UCHL5: variants seen among roughly 807,000 people sequenced by gnomAD.
The protein encoded by UCHL5 is ubiquitin C-terminal hydrolase L5.
UCHL5 carries 34 observed loss-of-function variants against 53.8 expected under a neutral mutation model. That is an observed-to-expected ratio of 0.63 (90% CI 0.48 to 0.84). The LOEUF (loss-of-function observed/expected upper bound fraction) is 0.84, where lower values mean the gene tolerates loss of function less well. Ranked by LOEUF, UCHL5 falls within the 40% of genes least tolerant of loss-of-function variation. The pLI is 0.00. For synonymous variants in UCHL5, 111 were observed against 126.3 expected (o/e 0.88, Z 0.81); for missense variants, 290 against 385.6 (o/e 0.75, Z 2.08).
chr1:193,049,186 G>T (rs1397555908), intron 3 of UCHL5, among the ~76,000 whole-genome samples: 1 of 152,200 alleles, frequency 6.6e-6, no homozygotes. Flanking sequence ...GCCAAGGCGG[G>T]TGTATCACCT....
At position 193,016,383 on chromosome 1, in the gene UCHL5, G is replaced by C; in HGVS notation, c.955C>G (p.Gln319Glu). The change falls in exon 11 of 11, where the codon CAG becomes GAG. Residue 319 changes from glutamine (Q) to glutamate (E), a missense_variant. By Grantham distance (29) the Gln-to-Glu change is conservative (BLOSUM62 2). Coordinates refer to ENST00000367454, the MANE Select transcript of UCHL5 (RefSeq NM_001199261.3). Reference protein sequence around the residue: ...IPLVEKAKEKQNAKKAQETK With the variant: ...IPLVEKAKEKENAKKAQETK ...GTTTCCTGAGCTTTCTTTGCGTTCTGTTTTTCTTTTGCCTAAAAATTAAAA... is the reference window on the plus strand; with the variant it reads ...GTTTCCTGAGCTTTCTTTGCGTTCTCTTTTTCTTTTGCCTAAAAATTAAAA... 6.2e-7 allele frequency: 1 copy of C among 1,605,754 alleles called. No individual in the cohort carries two copies. The highest frequency in any genetic ancestry group is 1.1e-5 in the South Asian group (1 of 89,652).
Position 193,012,989 on chromosome 1 carries a change from A to G in UCHL5, c.*3362T>C, listed in dbSNP as rs1022795815. 1 of 152,228 alleles carries G rather than the reference A, an allele frequency of 6.6e-6. No homozygotes were observed. Among genetic ancestry groups the G allele is most frequent in the African/African-American group, 2.4e-5 (1 of 41,458 alleles). 9.4% of individuals were successfully genotyped at this position (152,228 alleles called of 1,614,324 possible). A position where few individuals can be genotyped will look rare whatever the true frequency, so the allele number is the denominator to read the frequency against. ...AATATACTAAAGAACAAACTAAATA[A>G]CATGCATGTTTGACTGATCTAGGAA... On this transcript the variant is annotated 3_prime_UTR_variant, in exon 11 of 11. Coordinates refer to ENST00000367454, the MANE Select transcript of UCHL5 (RefSeq NM_001199261.3).
chr1:193,029,162 A>T lies in UCHL5; in HGVS notation c.565+17T>A, dbSNP rs776767602. 23 of 1,607,222 alleles carry T rather than the reference A, an allele frequency of 1.4e-5. No homozygotes were observed. The highest frequency in any genetic ancestry group is 2.0e-5 in the Non-Finnish European group (23 of 1,177,230). On this transcript the variant is annotated intron_variant, in intron 6 of 10. Transcript: ENST00000367454. ...CCCCTGTCAAAAGTGAAATATCAGG[A>T]ACAGGAACTGCATTACCTAAATCAA...
rs1654587034 is a variant in UCHL5, at chr1:193,014,359, A to G, written c.*1992T>C. Reference sequence around the variant, plus strand: ...CCTATTAAGGAATTTTATTAGATTAATAAGAAAAATCCTTATACCTATTAA... The same window carrying G: ...CCTATTAAGGAATTTTATTAGATTAGTAAGAAAAATCCTTATACCTATTAA... On this transcript the variant is annotated 3_prime_UTR_variant, in exon 11 of 11. Transcript: ENST00000367454. 1 of 152,154 alleles carries G rather than the reference A, an allele frequency of 6.6e-6. No individual in the cohort carries two copies. The highest frequency in any genetic ancestry group is 1.5e-5 in the Non-Finnish European group (1 of 68,006). 9.4% of individuals were successfully genotyped at this position (152,154 alleles called of 1,614,324 possible). A position where few individuals can be genotyped will look rare whatever the true frequency, so the allele number is the denominator to read the frequency against.
At position 193,029,334 on chromosome 1, in the gene UCHL5, A is replaced by C. The variant is rs763565723; in HGVS notation, c.435-25T>G. The C allele has an allele frequency of 2.2e-5, 35 of 1,613,058 alleles. 1 individual carries two copies. In the South Asian group the frequency reaches 3.6e-4, roughly 17 times the overall value. ...TCTACAGTAAATAAAAAAATAGTGAAACTCAAAGAAGCAAAGAAAGAAACA... is the reference window on the plus strand; with the variant it reads ...TCTACAGTAAATAAAAAAATAGTGACACTCAAAGAAGCAAAGAAAGAAACA... On this transcript the variant is annotated intron_variant, in intron 5 of 10. Coordinates refer to ENST00000367454, the MANE Select transcript of UCHL5 (RefSeq NM_001199261.3).
chr1:193,023,785 T>A, intron 8 of UCHL5, 59 bp downstream of exon 8: 1 of 1,268,096 alleles, frequency 7.9e-7, no homozygotes, highest in Non-Finnish European at 1.1e-6. Flanking sequence ...TTAAAGTAAA[T>A]ACTTTTCCTG....
chr1:193,030,146 A>AT (rs913453391), intron 3 of UCHL5, among the ~76,000 whole-genome samples: 2 of 151,948 alleles, frequency 1.3e-5, no homozygotes, highest in African/African-American at 4.8e-5. Context: ...ATGTCCACAT[A>AT]TTTTTTTTCA....
chr1:193,042,805 C>A (rs1056414786), intron 3 of UCHL5, among the ~76,000 whole-genome samples: 1 of 152,122 alleles, frequency 6.6e-6, no homozygotes, highest in African/African-American at 2.4e-5. Context: ...TCAATCACAG[C>A]CTAAAATACC....
Position 193,055,949 on chromosome 1 carries a change from T to A in UCHL5, c.76+3236A>T, listed in dbSNP as rs1296986007. The stretch of plus-strand genomic sequence containing the variant: ...TCTCCAATTATTTTGGAAGAGTTTA[T>A]GTAGAATTGGTATTATTTATAATAT... On this transcript the variant is annotated intron_variant, in intron 1 of 10. Coordinates refer to ENST00000367454, the MANE Select transcript of UCHL5 (RefSeq NM_001199261.3). Among the ~76,000 whole-genome samples the A allele has an allele frequency of 2.0e-5, 3 of 152,302 alleles. No homozygotes were observed. The East Asian group carries it at 5.8e-4, about 29-fold the overall frequency.
At chr1:193,043,254 T>C (rs925146598) in intron 3 of UCHL5, among the ~76,000 whole-genome samples, 1 of 151,240 alleles carries the variant, frequency 6.6e-6, no homozygotes, top group Non-Finnish European at 1.5e-5. Context: ...ACATATTTCC[T>C]GTTCTGCTTC....
At chr1:193,018,793 C>T (rs1655798053) in intron 10 of UCHL5, 1 of 1,556,760 alleles carries the variant, frequency 6.4e-7, no homozygotes, top group African/African-American at 1.4e-5. Flanking sequence ...TATTCCTTCT[C>T]ACACCTTGTT....
chr1:193,031,489 A>G (rs1000280996), intron 3 of UCHL5, among the ~76,000 whole-genome samples: 2 of 152,184 alleles, frequency 1.3e-5, no homozygotes, highest in South Asian at 4.1e-4. Context: ...TACACTGTCC[A>G]TGATATATTA....
chr1:193,033,519 A>T (rs186393895), intron 3 of UCHL5, among the ~76,000 whole-genome samples: 17 of 151,044 alleles, frequency 1.1e-4, no homozygotes, highest in African/African-American at 3.9e-4. Context: ...TAAAGTATAC[A>T]ATATATATAT....
chr1:193,022,987 G>A lies in UCHL5; in HGVS notation c.782C>T (p.Ser261Leu). The A allele has an allele frequency of 1.2e-6, 2 of 1,613,198 alleles. No individual in the cohort carries two copies. The highest frequency in any genetic ancestry group is 1.7e-6 in the Non-Finnish European group (2 of 1,179,576). ...AAGCATCTGATTTTTGGCAACTTCT[G>A]ACTGAATAGCACTTAACATACTATT... is the stretch of plus-strand genomic sequence containing the variant. ...QGNSMLSAIQSEVAKNQMLIE... is the reference protein window; with the variant it reads ...QGNSMLSAIQLEVAKNQMLIE... The change falls in exon 9 of 11, where the codon TCA (serine) becomes TTA (leucine). Residue 261 changes from serine to leucine, a missense_variant. Physicochemically the swap from Ser to Leu is moderately radical, Grantham distance 145. Transcript: ENST00000367454.
chr1:193,043,789 A>T (rs1666501091), intron 3 of UCHL5, among the ~76,000 whole-genome samples: 1 of 152,180 alleles, frequency 6.6e-6, no homozygotes, highest in African/African-American at 2.4e-5. Context: ...TTGGATGGCA[A>T]TACTCTGCAT....
At chr1:193,049,625 A>T in intron 3 of UCHL5, 121 bp downstream of exon 3, 2 of 631,874 alleles carry the variant, frequency 3.2e-6, no homozygotes. Flanking sequence ...GGAGATGTCA[A>T]TAATTTTTAA....
Position 193,029,587 on chromosome 1 carries a change from T to G in UCHL5, c.317A>C (p.His106Pro). ...AAACTCTGATAATGTCTCGCCTAAA[T>G]GGACATCCTGGTGGGTACAGTTCAG... is the stretch of plus-strand genomic sequence containing the variant. ...VLLNCTHQDV[H>P]LGETLSEFKE... The change falls in exon 4 of 11, where the codon CAT (histidine) becomes CCT (proline). Residue 106 changes from histidine to proline, a missense_variant. Physicochemically the swap from His to Pro is moderately conservative, Grantham distance 77 (BLOSUM62 -2). Coordinates refer to ENST00000367454, the MANE Select transcript of UCHL5 (RefSeq NM_001199261.3). The G allele has an allele frequency of 6.2e-7, 1 of 1,613,568 alleles. No homozygotes were observed.
intron 3 of UCHL5, among the ~76,000 whole-genome samples, chr1:193,033,807 A>C (rs1236925971): frequency 6.6e-6 from 1 of 152,168 alleles, no homozygotes; most frequent in Non-Finnish European, 1.5e-5. Flanking sequence ...TTTTTTCACA[A>C]ATGTGAAATT....
intron 3 of UCHL5, among the ~76,000 whole-genome samples, chr1:193,030,536 C>T (rs1399631593): frequency 3.9e-5 from 6 of 152,124 alleles, no homozygotes; most frequent in Non-Finnish European, 7.4e-5. Context: ...ACTGCCTAAG[C>T]ACCTATGGTA....
Sources: gnomAD v4.1 joint callset for allele counts (sites outside exome capture counted in the v4.1 genomes callset) on GRCh38, gnomAD v4.1.1 for gene constraint, MANE v1.5 for transcripts, NCBI Gene and HGNC (gene_info 2026-07-23, HGNC 2026-07-21) for gene names.